DUSP22: variants seen among roughly 807,000 people sequenced by gnomAD.
DUSP22 encodes dual specificity protein phosphatase 22.
A neutral mutation model predicts 24.5 loss-of-function variants in DUSP22; 24 were observed. The ratio of observed to expected loss-of-function variants is 0.98; its 90% CI spans 0.71 to 1.38. The LOEUF is 1.38. Among genes scored for constraint, DUSP22 ranks in the 40% most tolerant of loss-of-function variants. DUSP22 has a pLI of 0.00. For missense variants in DUSP22, 330 were observed against 269.2 expected (o/e 1.23, Z -1.58); for synonymous variants, 160 against 106.4 (o/e 1.50, Z -3.10).
At chr6:325,822 T>C (rs1758840583) in intron 3 of DUSP22, 1 of 192,280 alleles carries the variant, frequency 5.2e-6, no homozygotes, top group Non-Finnish European at 1.0e-5. Context: ...TGGAGAGTCA[T>C]CTGCCCTGGG....
chr6:310,027 C>G (rs1187772323), intron 2 of DUSP22, among the ~76,000 whole-genome samples: 1 of 152,308 alleles, frequency 6.6e-6, no homozygotes, highest in Non-Finnish European at 1.5e-5. Context: ...GTGGGGCGAT[C>G]TCGGCTCACT....
Position 350,344 on chromosome 6 carries a change from GTCT to G in DUSP22, c.*1394_*1396del. Reference sequence around the variant, plus strand: ...CTGGGACGCTGTACGCAATTCAGTGGTCTAGTCCTTTATACCGACTCAGATTCC... The same window carrying G: ...CTGGGACGCTGTACGCAATTCAGTGGAGTCCTTTATACCGACTCAGATTCC... On this transcript the variant is annotated 3_prime_UTR_variant, in exon 7 of 7. Transcript: ENST00000419235. 1 of 1,037,188 alleles carries G rather than the reference GTCT, an allele frequency of 9.6e-7. No individual in the cohort carries two copies. The highest frequency in any genetic ancestry group is 3.5e-5 in the South Asian group (1 of 28,746). 64.2% of individuals were successfully genotyped at this position (1,037,188 alleles called of 1,614,324 possible).
At chr6:304,079 G>C (rs1292648312) in intron 1 of DUSP22, among the ~76,000 whole-genome samples, 2 of 152,300 alleles carry the variant, frequency 1.3e-5, no homozygotes, top group African/African-American at 4.8e-5. Context: ...AACAGGATTC[G>C]TTTGCTGCCC....
intron 1 of DUSP22, among the ~76,000 whole-genome samples, chr6:293,406 C>G (rs1374464386): frequency 1.3e-4 from 20 of 152,400 alleles, no homozygotes; most frequent in African/African-American, 4.8e-4. Flanking sequence ...GAAGGATTGA[C>G]AAGACTTTAC....
intron 3 of DUSP22, among the ~76,000 whole-genome samples, chr6:332,953 A>G (rs1759202307): frequency 1.3e-5 from 2 of 152,302 alleles, no homozygotes; most frequent in South Asian, 4.1e-4. Context: ...AAAAGGAAAG[A>G]AGTGAATGAG....
At chr6:329,360 T>A (rs1052459216) in intron 3 of DUSP22, among the ~76,000 whole-genome samples, 3 of 152,304 alleles carry the variant, frequency 2.0e-5, no homozygotes, top group Non-Finnish European at 4.4e-5. Context: ...TTTAGGAGAA[T>A]GAAAAAGTCC....
intron 3 of DUSP22, among the ~76,000 whole-genome samples, chr6:321,043 C>G (rs532413454): frequency 1.3e-5 from 2 of 152,426 alleles, no homozygotes; most frequent in African/African-American, 4.8e-5. Flanking sequence ...GCGGCTAACA[C>G]TGCAGGGCAG....
At chr6:343,576 G>A (rs954591704) in intron 4 of DUSP22, among the ~76,000 whole-genome samples, 1 of 136,160 alleles carries the variant, frequency 7.3e-6, no homozygotes, top group African/African-American at 2.8e-5. Flanking sequence ...AGTTAGAGAT[G>A]TCAGGTCAGA....
intron 3 of DUSP22, among the ~76,000 whole-genome samples, chr6:315,336 G>T (rs1758295016): frequency 6.6e-6 from 1 of 152,298 alleles, no homozygotes; most frequent in South Asian, 2.1e-4. Context: ...AGGGTCTAGA[G>T]ATCAGCAAGC....
intron 2 of DUSP22, among the ~76,000 whole-genome samples, chr6:307,939 A>G (rs527803765): frequency 6.6e-6 from 1 of 152,422 alleles, no homozygotes; most frequent in East Asian, 1.9e-4. Context: ...AGGTCAGCAT[A>G]TGTCCATCCA....
intron 3 of DUSP22, among the ~76,000 whole-genome samples, chr6:319,060 C>T (rs548922909): frequency 7.4e-4 from 113 of 152,362 alleles, no homozygotes; most frequent in African/African-American, 2.6e-3. Flanking sequence ...AGGCCAGACT[C>T]CTCAAACTGG....
intron 1 of DUSP22, among the ~76,000 whole-genome samples, chr6:294,563 T>G (rs1323638140): frequency 5.3e-5 from 8 of 152,296 alleles, no homozygotes; most frequent in Non-Finnish European, 1.2e-4. Context: ...TTTCAACATG[T>G]AACCAATATA....
At position 348,197 on chromosome 6, in the gene DUSP22, GC is replaced by G. The variant is rs778794048; in HGVS notation, c.359del (p.Ala120ValfsTer31). 1 of 1,614,308 alleles carries G rather than the reference GC, an allele frequency of 6.2e-7. No homozygotes were observed. The highest frequency in any genetic ancestry group is 1.7e-5 in the Admixed American group (1 of 60,038). On this transcript the variant is annotated frameshift_variant, in exon 6 of 7. Coordinates refer to ENST00000419235, the MANE Select transcript of DUSP22 (RefSeq NM_001286555.3). LOFTEE classifies it high-confidence loss of function. ...GGAGGATGCCCTGCACACCGTGCGT[GC>G]TGGGAGATCCTGTGCCAACCCCAAC... ...GWEDALHTVR[A>X]GRSCANPNVG...
chr6:325,720 G>C (rs1225955199), intron 3 of DUSP22: 1 of 239,106 alleles, frequency 4.2e-6, no homozygotes, highest in African/African-American at 2.5e-5. Flanking sequence ...CCGCATCCTC[G>C]TGTGTGCAGT....
At chr6:312,477 A>G (rs1388769263) in intron 3 of DUSP22, among the ~76,000 whole-genome samples, 1 of 152,302 alleles carries the variant, frequency 6.6e-6, no homozygotes, top group African/African-American at 2.4e-5. Flanking sequence ...TTCGGGGTAA[A>G]CAGGGTGTGT....
intron 3 of DUSP22, among the ~76,000 whole-genome samples, chr6:322,113 A>G (rs542197042): frequency 3.6e-4 from 52 of 145,396 alleles, no homozygotes; most frequent in Non-Finnish European, 5.7e-4. Context: ...TACATAGTGT[A>G]TACATATCTA....
intron 2 of DUSP22, among the ~76,000 whole-genome samples, chr6:308,183 G>A (rs1757908571): frequency 1.3e-5 from 2 of 151,452 alleles, no homozygotes; most frequent in African/African-American, 4.9e-5. Context: ...GCCGGTTGGA[G>A]GACCCCATGT....
chr6:312,763 T>C (rs948798333), intron 3 of DUSP22, among the ~76,000 whole-genome samples: 12 of 152,420 alleles, frequency 7.9e-5, no homozygotes, highest in Middle Eastern at 3.4e-3. Flanking sequence ...GTAATGTTTT[T>C]TATTTCAAAT....
chr6:313,375 A>G (rs1175588605), intron 3 of DUSP22, among the ~76,000 whole-genome samples: 1 of 152,310 alleles, frequency 6.6e-6, no homozygotes, highest in Non-Finnish European at 1.5e-5. Context: ...TGCCAGGGTT[A>G]GAAATCAAAG....
Sources: allele counts gnomAD v4.1 joint callset (sites outside exome capture counted in the v4.1 genomes callset), GRCh38; gene constraint gnomAD v4.1.1; transcripts MANE v1.5; gene names NCBI Gene and HGNC (gene_info 2026-07-23, HGNC 2026-07-21).